The following KLC1 variants were observed in gnomAD, a reference collection of about 807,000 sequenced individuals.
KLC1 encodes kinesin light chain 1, also known as kinesin 2 60/70kDa.
In KLC1, 30 loss-of-function variants were observed where a neutral mutation model predicts 84.2. The observed-to-expected ratio is 0.36, with a 90% CI of 0.27 to 0.48. The LOEUF (loss-of-function observed/expected upper bound fraction) is 0.48. Among genes scored for constraint, KLC1 ranks in the 20% least tolerant of loss-of-function variants. The probability of loss-of-function intolerance (pLI) is 0.99; values close to 1 mark genes in which losing one functional copy is unlikely to be tolerated. For missense variants in KLC1, 499 were observed against 805.4 expected (o/e 0.62, Z 4.60); for synonymous variants, 289 against 293.3 (o/e 0.99, Z 0.15).
chr14:103,700,277 T>C lies in KLC1; in HGVS notation c.1849-378T>C, dbSNP rs893715456. 14 of 231,846 alleles carry C rather than the reference T, an allele frequency of 6.0e-5. No homozygotes were observed. In the East Asian group the frequency reaches 1.6e-3, roughly 26 times the overall value. The allele number at this position is 231,846 out of a possible 1,614,324, so 14.4% of individuals were successfully genotyped here. On this transcript the variant is annotated intron_variant, in intron 15 of 16. Coordinates refer to ENST00000334553, the MANE Select transcript of KLC1 (RefSeq NM_001394837.1). ...TGGCCAAGGGGTGGAAACAGCCCTG[T>C]GCCCACCAGCTCCCAGGAGAGCTTC...
chr14:103,688,039 T>C (rs2081890332), intron 14 of KLC1: 2 of 152,242 alleles, frequency 1.3e-5, no homozygotes, highest in Admixed American at 1.3e-4. Flanking sequence ...CCACTTTAAG[T>C]TCTGTGAGTA....
At position 103,662,943 on chromosome 14, in the gene KLC1, T is replaced by G. The variant is rs2079405744; in HGVS notation, c.797+16T>G. On this transcript the variant is annotated intron_variant, in intron 5 of 16. Transcript: ENST00000334553. ...TGGTGTACAGGCTAGTCACTTTTGT[T>G]TACCTACTGAATTTTACCTAGAGAC... is the stretch of plus-strand genomic sequence containing the variant. 2 of 1,564,382 alleles carry G rather than the reference T, an allele frequency of 1.3e-6. No homozygotes were observed. Among genetic ancestry groups the G allele is most frequent in the Non-Finnish European group, 1.7e-6 (2 of 1,149,736 alleles).
intron 3 of KLC1, among the ~76,000 whole-genome samples, chr14:103,660,253 G>A (rs2079162564): frequency 1.3e-5 from 2 of 152,160 alleles, no homozygotes; most frequent in African/African-American, 4.8e-5. Context: ...GGCCGAGGCA[G>A]GCAGATCACC....
intron 6 of KLC1, among the ~76,000 whole-genome samples, chr14:103,669,839 G>A (rs538009660): frequency 3.9e-5 from 6 of 152,250 alleles, no homozygotes; most frequent in Non-Finnish European, 8.8e-5. Context: ...AAATCAAATT[G>A]CATGTCCTTC....
intron 13 of KLC1, 107 bp downstream of exon 13, chr14:103,679,652 A>T: frequency 1.3e-6 from 1 of 773,500 alleles, no homozygotes; most frequent in Non-Finnish European, 2.1e-6. Context: ...TTCTCAAATT[A>T]AGTGCCAATT....
intron 15 of KLC1, chr14:103,698,878 G>A (rs780262052): frequency 6.2e-7 from 1 of 1,606,652 alleles, no homozygotes; most frequent in South Asian, 1.1e-5. Flanking sequence ...GGCAGGTGGG[G>A]GGCAGAGAGC....
intron 5 of KLC1, among the ~76,000 whole-genome samples, chr14:103,666,882 T>C (rs1365870440): frequency 4.0e-5 from 6 of 151,816 alleles, no homozygotes; most frequent in African/African-American, 1.5e-4. Context: ...GTTCAAGCGA[T>C]TCTCCTGCCT....
intron 13 of KLC1, among the ~76,000 whole-genome samples, chr14:103,680,420 C>A (rs1365769494): frequency 1.4e-4 from 21 of 152,124 alleles, no homozygotes; most frequent in Admixed American, 1.4e-3. Context: ...TATAATTCTA[C>A]AGATGTTCTG....
At chr14:103,675,866 A>T in intron 11 of KLC1, 110 bp downstream of exon 11, 1 of 822,798 alleles carries the variant, frequency 1.2e-6, no homozygotes, top group Non-Finnish European at 2.0e-6. Flanking sequence ...TTAAGTGCAC[A>T]GTCCCATGTT....
chr14:103,699,505 G>T, intron 15 of KLC1: 1 of 1,612,960 alleles, frequency 6.2e-7, no homozygotes, highest in South Asian at 1.1e-5. Context: ...CCGAGTCGAT[G>T]ACCACCAGGC....
rs1313218037 is a variant in KLC1, at chr14:103,693,969, C to T, written c.1848+1544C>T. 6.0e-6 allele frequency: 7 copies of T among 1,160,770 alleles called. 1 individual carries two copies. Among genetic ancestry groups the T allele is most frequent in the African/African-American group, 3.2e-5 (2 of 62,738 alleles). 71.9% of individuals were successfully genotyped at this position (1,160,770 alleles called of 1,614,324 possible). On this transcript the variant is annotated intron_variant, in intron 15 of 16. Transcript: ENST00000334553. This position sits in a 1 kb window ranked among gnomAD's most constrained non-coding sequence, Gnocchi z 5.1. ...GCCACCTTTTTGCCATGACACCAGACTCTCTTTTAAATTGTAATATTGTAA... is the reference window on the plus strand; with the variant it reads ...GCCACCTTTTTGCCATGACACCAGATTCTCTTTTAAATTGTAATATTGTAA...
At chr14:103,642,054 C>G (rs2077533321) in intron 1 of KLC1, among the ~76,000 whole-genome samples, 1 of 152,178 alleles carries the variant, frequency 6.6e-6, no homozygotes, top group Non-Finnish European at 1.5e-5. Context: ...CCTCAGCCTC[C>G]TGAGTAGCTG....
intron 2 of KLC1, among the ~76,000 whole-genome samples, chr14:103,656,621 A>G (rs566110967): frequency 6.6e-6 from 1 of 152,292 alleles, no homozygotes; most frequent in African/African-American, 2.4e-5. Context: ...ACCATGTTAC[A>G]GCCTTGAGTT....
chr14:103,639,927 G>A (rs1474773201), intron 1 of KLC1, among the ~76,000 whole-genome samples: 1 of 150,598 alleles, frequency 6.6e-6, no homozygotes, highest in Admixed American at 6.6e-5. Flanking sequence ...GCTAATTTTG[G>A]TATTTTTTTT....
intron 1 of KLC1, among the ~76,000 whole-genome samples, chr14:103,649,765 G>A (rs974925270): frequency 1.3e-5 from 2 of 150,716 alleles, no homozygotes; most frequent in South Asian, 2.1e-4. Context: ...GCGCCATCTC[G>A]GCTCACTGCA....
intron 3 of KLC1, among the ~76,000 whole-genome samples, chr14:103,659,125 G>A (rs1413853409): frequency 4.6e-5 from 7 of 151,686 alleles, no homozygotes; most frequent in African/African-American, 1.7e-4. Context: ...TTACAGGTGC[G>A]TACCGCCACG....
In KLC1 at chr14:103,693,779, A is replaced by G; in HGVS notation, c.1848+1354A>G. The G allele has an allele frequency of 7.0e-7, 1 of 1,419,556 alleles. No homozygotes were observed. Among genetic ancestry groups the G allele is most frequent in the Non-Finnish European group, 9.2e-7 (1 of 1,090,454 alleles). The allele number at this position is 1,419,556 out of a possible 1,614,324, so 87.9% of individuals were successfully genotyped here. On this transcript the variant is annotated intron_variant, in intron 15 of 16. Coordinates refer to ENST00000334553, the MANE Select transcript of KLC1 (RefSeq NM_001394837.1). This position sits in a 1 kb window ranked among gnomAD's most constrained non-coding sequence, Gnocchi z 5.1. ...GAGGTGCCTTTTCAAAACACCCGGG[A>G]GGCCGTGCCTCAGCATTCTGTTACT...
chr14:103,672,398 AAG>A (rs771050745), intron 7 of KLC1, among the ~76,000 whole-genome samples: 2 of 152,184 alleles, frequency 1.3e-5, no homozygotes, highest in Admixed American at 6.5e-5. Context: ...ATTGGTGAAG[AAG>A]AGAGACAAAG....
intron 15 of KLC1, chr14:103,695,380 T>C (rs1449722970): frequency 3.2e-6 from 3 of 936,266 alleles, no homozygotes; most frequent in African/African-American, 1.9e-5. Flanking sequence ...TATATACATA[T>C]ATAATTTGAT....
Sources: gnomAD v4.1 joint callset for allele counts (sites outside exome capture counted in the v4.1 genomes callset) on GRCh38, gnomAD v4.1.1 for gene constraint, Gnocchi (gnomAD v3.1) non-coding constraint, MANE v1.5 for transcripts, NCBI Gene and HGNC (gene_info 2026-07-23, HGNC 2026-07-21) for gene names.